The following LETM1 variants were observed in gnomAD, a reference collection of about 807,000 sequenced individuals.
LETM1 encodes the protein leucine zipper and EF-hand containing transmembrane protein 1, also known as mitochondrial proton/calcium exchanger protein.
A neutral mutation model predicts 74.5 loss-of-function variants in LETM1; 50 were observed. That is an observed-to-expected ratio of 0.67 (90% CI 0.53 to 0.85). The LOEUF (loss-of-function observed/expected upper bound fraction) is 0.85, where lower values mean the gene tolerates loss of function less well. Among genes scored for constraint, LETM1 ranks in the 40% least tolerant of loss-of-function variants. The pLI is 0.00. For synonymous variants in LETM1, 446 were observed against 407.1 expected (o/e 1.10, Z -1.15); for missense variants, 824 against 967.8 (o/e 0.85, Z 1.97).
intron 11 of LETM1, among the ~76,000 whole-genome samples, chr4:1,818,753 C>T (rs1711667598): frequency 6.6e-6 from 1 of 152,064 alleles, no homozygotes; most frequent in Non-Finnish European, 1.5e-5. Context: ...CGTCAAGTGA[C>T]CAAACTCTTC....
chr4:1,820,397 T>C (rs1711736638), intron 10 of LETM1, among the ~76,000 whole-genome samples: 1 of 152,250 alleles, frequency 6.6e-6, no homozygotes, highest in South Asian at 2.1e-4. Context: ...CACAATTGAT[T>C]GTTCACACCA....
chr4:1,831,209 C>T (rs1712256805), intron 6 of LETM1, among the ~76,000 whole-genome samples: 1 of 152,212 alleles, frequency 6.6e-6, no homozygotes, highest in Non-Finnish European at 1.5e-5. Context: ...TGGCATTGAC[C>T]TCTCCATGTT....
intron 7 of LETM1, among the ~76,000 whole-genome samples, chr4:1,824,658 C>G (rs1433375271): frequency 6.6e-6 from 1 of 152,178 alleles, no homozygotes; most frequent in South Asian, 2.1e-4. Context: ...ACATGACACT[C>G]GGGCCCCCAA....
Position 1,814,446 on chromosome 4 carries a change from T to G in LETM1, c.2198A>C (p.Glu733Ala), listed in dbSNP as rs1458504712. The stretch of plus-strand genomic sequence containing the variant: ...GTTCTAGCTCTTCACCTCTGCGACC[T>G]CCTTCTCTGCCTTCTCTTTGGCCTT... ...KEKAKEKAEK[E>A]VAEVKS The change falls in exon 14 of 14, where the codon GAG (glutamate) becomes GCG (alanine). Residue 733 changes from glutamate (E) to alanine (A), a missense_variant. Physicochemically the swap from Glu to Ala is moderately radical, Grantham distance 107. Around this residue, in one of 4 missense-constraint regions of LETM1, gnomAD observed 161 missense variants for 252.7 expected, o/e 0.64. Coordinates refer to ENST00000302787, the MANE Select transcript of LETM1 (RefSeq NM_012318.3). 1 of 1,614,096 alleles carries G rather than the reference T, an allele frequency of 6.2e-7. No homozygotes were observed. Among genetic ancestry groups the G allele is most frequent in the Non-Finnish European group, 8.5e-7 (1 of 1,180,030 alleles).
intron 1 of LETM1, among the ~76,000 whole-genome samples, chr4:1,855,082 GAGGC>G (rs1713191956): frequency 6.6e-6 from 1 of 152,140 alleles, no homozygotes; most frequent in Non-Finnish European, 1.5e-5. Context: ...AACAACTTGG[GAGGC>G]TGAGGCAGAA....
chr4:1,824,533 A>C (rs1221207693), intron 7 of LETM1, among the ~76,000 whole-genome samples: 2 of 152,306 alleles, frequency 1.3e-5, no homozygotes, highest in East Asian at 3.9e-4. Context: ...CATGAGAACA[A>C]ACCCTAAGAG....
chr4:1,849,493 G>A (rs575486165), intron 1 of LETM1, among the ~76,000 whole-genome samples: 1 of 151,978 alleles, frequency 6.6e-6, no homozygotes, highest in African/African-American at 2.4e-5. Context: ...GTCTCAAACT[G>A]CCGACCTCAG....
intron 2 of LETM1, chr4:1,846,361 G>C (rs111808070): frequency 6.6e-6 from 1 of 152,052 alleles, no homozygotes; most frequent in Non-Finnish European, 1.5e-5. Flanking sequence ...CCCGGGTCCC[G>C]GTTCAAGCAA....
rs897730339 is a variant in LETM1 at position 1,814,253 on chromosome 4, C to A, written c.*171G>T. On this transcript the variant is annotated 3_prime_UTR_variant, in exon 14 of 14. Coordinates refer to ENST00000302787, the MANE Select transcript of LETM1 (RefSeq NM_012318.3). ...GAGGGGTTCCGGGATTCCAGACAGA[C>A]TGAATCTCCGTGGAATGATGAAAAT... 3 of 1,080,366 alleles carry A rather than the reference C, an allele frequency of 2.8e-6. No individual in the cohort carries two copies. In the South Asian group the frequency reaches 4.5e-5, roughly 16 times the overall value. The allele number at this position is 1,080,366 out of a possible 1,614,324, so 66.9% of individuals were successfully genotyped here.
chr4:1,844,414 A>C (rs748675475), intron 2 of LETM1, among the ~76,000 whole-genome samples: 11 of 152,256 alleles, frequency 7.2e-5, no homozygotes, highest in Non-Finnish European at 1.3e-4. Flanking sequence ...GCTGCTACAT[A>C]ATGTCCACGA....
intron 6 of LETM1, among the ~76,000 whole-genome samples, chr4:1,827,764 C>A (rs1273958982): frequency 6.7e-6 from 1 of 149,190 alleles, no homozygotes. Context: ...TCCACAAAGC[C>A]GCCATTGTCA....
chr4:1,823,008 G>A lies in LETM1; in HGVS notation c.1456C>T (p.Gln486Ter). The A allele has an allele frequency of 6.2e-7, 1 of 1,603,566 alleles. No individual in the cohort carries two copies. Among genetic ancestry groups the A allele is most frequent in the South Asian group, 1.1e-5 (1 of 90,196 alleles). ...IQQEHREKELQKRSEVAKDFE... is the reference protein window; with the variant it reads ...IQQEHREKEL ...CTTACCGCCACCTCCGAGCGCTTCT[G>A]CAGCTCCTTCTCACGGTGCTCCTGC... Residue 486 changes from glutamine to a stop codon, truncating the protein, a stop_gained, in exon 9 of 14, where the codon CAG (glutamine) becomes TAG (stop). Transcript: ENST00000302787. LOFTEE classifies it high-confidence loss of function.
chr4:1,845,382 G>A (rs987388592), intron 2 of LETM1, among the ~76,000 whole-genome samples: 1 of 152,076 alleles, frequency 6.6e-6, no homozygotes, highest in African/African-American at 2.4e-5. Flanking sequence ...GAGGTAGGTG[G>A]ATCACCTGAG....
chr4:1,845,353 C>T (rs1462712889), intron 2 of LETM1, among the ~76,000 whole-genome samples: 2 of 152,062 alleles, frequency 1.3e-5, no homozygotes, highest in Admixed American at 1.3e-4. Flanking sequence ...CACCTGTAAT[C>T]CCAGCACTTT....
In LETM1 at chr4:1,842,807, AG is replaced by A. The variant is rs1435511797; in HGVS notation, c.144-1011del. On this transcript the variant is annotated intron_variant, in intron 2 of 13. Transcript: ENST00000302787. ...CTGCAGCATAGACCATGCCTGGCCC[AG>A]AACCTATGGTTTGTGTGCAACACAG... Among the ~76,000 whole-genome samples the A allele has an allele frequency of 2.6e-5, 4 of 152,356 alleles. No individual in the cohort carries two copies. The East Asian group carries it at 7.7e-4, about 29-fold the overall frequency.
chr4:1,843,504 G>C (rs1712777107), intron 2 of LETM1, among the ~76,000 whole-genome samples: 1 of 152,366 alleles, frequency 6.6e-6, no homozygotes, highest in South Asian at 2.1e-4. Context: ...CTCTGCACCA[G>C]TAATGGTCTG....
intron 7 of LETM1, among the ~76,000 whole-genome samples, chr4:1,824,503 A>G (rs944703725): frequency 6.6e-6 from 1 of 152,228 alleles, no homozygotes; most frequent in Non-Finnish European, 1.5e-5. Flanking sequence ...GTTTAGAGAC[A>G]AACTGAACAC....
intron 5 of LETM1, chr4:1,833,320 T>C (rs1047636914): frequency 7.2e-6 from 2 of 278,050 alleles, no homozygotes; most frequent in South Asian, 7.9e-5. Context: ...CCTGCCCAGC[T>C]TGGCCTCAAA....
rs1292492428 is a variant in LETM1, at chr4:1,823,646, C to T, written c.1330G>A (p.Val444Met). ...KSTLQTLPEI[V>M]AKEAQVKVAE... is the part of the protein sequence containing the mutation. ...AAGGGGTCTCCGACAGCACGTACCA[C>T]AATCTCTGGGAGGGTCTGCAGTGTG... The change falls in exon 8 of 14, where the codon GTG becomes ATG. Residue 444 changes from valine to methionine, a missense_variant and splice_region_variant. By Grantham distance (21) the Val-to-Met change is conservative. This residue lies in a region of LETM1 where 172 missense variants were observed against 170.7 expected (regional missense o/e 1.01). Coordinates refer to ENST00000302787, the MANE Select transcript of LETM1 (RefSeq NM_012318.3). 1 of 1,613,646 alleles carries T rather than the reference C, an allele frequency of 6.2e-7. No homozygotes were observed. The highest frequency in any genetic ancestry group is 1.7e-5 in the Admixed American group (1 of 59,998).
Sources: gnomAD v4.1 joint callset for allele counts (sites outside exome capture counted in the v4.1 genomes callset) on GRCh38, gnomAD v4.1.1 for gene constraint, gnomAD v4.1.1 regional missense constraint, MANE v1.5 for transcripts, NCBI Gene and HGNC (gene_info 2026-07-23, HGNC 2026-07-21) for gene names.